Variants in ACSL4 observed in about 807,000 individuals in gnomAD.
The protein encoded by ACSL4 is acyl-CoA synthetase long chain family member 4.
A neutral mutation model predicts 49.1 loss-of-function variants in ACSL4; 9 were observed. The ratio of observed to expected loss-of-function variants is 0.18; its 90% CI spans 0.11 to 0.32. ACSL4 has a LOEUF of 0.32. Ranked by LOEUF, ACSL4 falls within the 10% of genes least tolerant of loss-of-function variation. The pLI, the probability that ACSL4 is intolerant of heterozygous loss-of-function variation, is 1.00. For missense variants in ACSL4, 333 were observed against 493.7 expected, an observed-to-expected ratio of 0.67 and a Z score of 3.08; for synonymous variants, 191 against 170.3, an observed-to-expected ratio of 1.12 and a Z score of -0.95.
At chrX:109,645,259 C>T (rs1434986362) in intron 15 of ACSL4, among the ~76,000 whole-genome samples, 5 of 112,861 alleles carry the variant, frequency 4.4e-5, no homozygotes, top group African/African-American at 9.6e-5. Context: ...CCTCTGCAGA[C>T]TTAAATGTCC....
intron 2 of ACSL4, among the ~76,000 whole-genome samples, chrX:109,693,857 G>GT (rs1304756941): frequency 9.0e-6 from 1 of 111,542 alleles, no homozygotes; most frequent in Non-Finnish European, 1.9e-5. Flanking sequence ...CACCTTGGTA[G>GT]TTTTTTCCCT....
intron 14 of ACSL4, 113 bp downstream of exon 14, chrX:109,661,418 T>G (rs1922166804): frequency 1.8e-6 from 1 of 553,918 alleles, no homozygotes; most frequent in Non-Finnish European, 3.1e-6. Context: ...ATTCCCCAGA[T>G]CTGATGAAAA....
At chrX:109,681,677 G>A (rs890257509) in intron 4 of ACSL4, among the ~76,000 whole-genome samples, 8 of 111,975 alleles carry the variant, frequency 7.1e-5, no homozygotes, top group Non-Finnish European at 1.5e-4. Context: ...ATAGGTACTG[G>A]CTGAACTCTT....
At position 109,643,629 on chromosome X, in the gene ACSL4, A is replaced by G. The variant is rs1230452335; in HGVS notation, c.*400T>C. The G allele has an allele frequency of 6.9e-6, 1 of 145,699 alleles. No homozygotes were observed. Among genetic ancestry groups the G allele is most frequent in the Non-Finnish European group, 1.3e-5 (1 of 74,074 alleles). The allele number at this position is 145,699 out of a possible 1,213,427, so 12.0% of individuals were successfully genotyped here. Reference sequence around the variant, plus strand: ...TTAATACATATTTTCTGTCATGCTTAATATTTAAACTTCTGAAATAGGAAG... The same window carrying G: ...TTAATACATATTTTCTGTCATGCTTGATATTTAAACTTCTGAAATAGGAAG... On this transcript the variant is annotated 3_prime_UTR_variant, in exon 16 of 16. Coordinates refer to ENST00000672401, the MANE Select transcript of ACSL4 (RefSeq NM_001318510.2).
intron 1 of ACSL4, among the ~76,000 whole-genome samples, chrX:109,711,783 C>T (rs1926764666): frequency 2.7e-5 from 3 of 110,958 alleles, no homozygotes; most frequent in Admixed American, 1.9e-4. Context: ...AAGTACCCTA[C>T]GGGACAGCAC....
intron 1 of ACSL4, among the ~76,000 whole-genome samples, chrX:109,731,511 C>T (rs1446443950): frequency 9.3e-6 from 1 of 107,845 alleles, no homozygotes; most frequent in Admixed American, 1.0e-4. Flanking sequence ...CCATCTCACC[C>T]CTACCAAAAA....
At chrX:109,673,147 C>T (rs1268590756) in intron 9 of ACSL4, among the ~76,000 whole-genome samples, 2 of 111,857 alleles carry the variant, frequency 1.8e-5, no homozygotes, top group Non-Finnish European at 3.8e-5. Context: ...TCTTTAACAC[C>T]TCAGCTCTTA....
At chrX:109,684,559 C>T (rs1406472735) in intron 2 of ACSL4, among the ~76,000 whole-genome samples, 1 of 112,251 alleles carries the variant, frequency 8.9e-6, no homozygotes, top group Non-Finnish European at 1.9e-5. Context: ...CCAGAATTCC[C>T]GGAATCCCAA....
intron 1 of ACSL4, among the ~76,000 whole-genome samples, chrX:109,718,221 G>T (rs996971491): frequency 2.7e-5 from 3 of 112,430 alleles, no homozygotes; most frequent in African/African-American, 9.7e-5. Flanking sequence ...TGCTAGGAAT[G>T]ATGCGAAATT....
At chrX:109,660,630 C>T (rs1391970716) in intron 14 of ACSL4, among the ~76,000 whole-genome samples, 2 of 111,657 alleles carry the variant, frequency 1.8e-5, no homozygotes, top group Admixed American at 9.5e-5. Context: ...TATTTGCATA[C>T]GCATTTTCCT....
At position 109,665,497 on chromosome X, in the gene ACSL4, G is replaced by T; in HGVS notation, c.1316-3C>A. The T allele has an allele frequency of 3.3e-6, 4 of 1,196,626 alleles. No homozygotes were observed. Among genetic ancestry groups the T allele is most frequent in the Non-Finnish European group, 1.1e-6 (1 of 881,886 alleles). On this transcript the variant is annotated splice_polypyrimidine_tract_variant and splice_region_variant and intron_variant, in intron 11 of 15. Transcript: ENST00000672401. ...TCTGCCAGTAGTATAGTCAGTTACT[G>T]TGAGGGAAAAAGTAACAGAGATATT...
chrX:109,672,641 G>GC, intron 9 of ACSL4, among the ~76,000 whole-genome samples: 1 of 106,136 alleles, frequency 9.4e-6, no homozygotes, highest in South Asian at 4.1e-4. Flanking sequence ...ATAAAGAGTT[G>GC]TTTTTTTTTT....
intron 8 of ACSL4, among the ~76,000 whole-genome samples, chrX:109,675,862 G>A (rs1213743246): frequency 8.9e-6 from 1 of 112,168 alleles, no homozygotes; most frequent in African/African-American, 3.2e-5. Context: ...ACCAGGTCAA[G>A]TTCTGCTATC....
chrX:109,663,513 T>G (rs1188809654), intron 12 of ACSL4, 111 bp from the exon 13 acceptor site: 2 of 663,730 alleles, frequency 3.0e-6, no homozygotes, highest in African/African-American at 4.4e-5. Flanking sequence ...TATCACTTTA[T>G]GAGAGAACAT....
chrX:109,714,429 T>C (rs911564492), intron 1 of ACSL4, among the ~76,000 whole-genome samples: 1 of 111,935 alleles, frequency 8.9e-6, no homozygotes, highest in African/African-American at 3.3e-5. Flanking sequence ...AATATTTTCA[T>C]AAATTTAGTG....
At chrX:109,648,204 T>A (rs755670154) in intron 15 of ACSL4, among the ~76,000 whole-genome samples, 2 of 111,270 alleles carry the variant, frequency 1.8e-5, no homozygotes, top group African/African-American at 6.5e-5. Flanking sequence ...TACCAAAGCC[T>A]GGCAGAGACA....
At chrX:109,674,330 T>A in intron 9 of ACSL4, 72 bp downstream of exon 9, 2 of 893,188 alleles carry the variant, frequency 2.2e-6, no homozygotes, top group Non-Finnish European at 3.3e-6. Flanking sequence ...TATTACTTTT[T>A]AAAAGGTCCA....
At chrX:109,723,854 C>G (rs1364024931) in intron 1 of ACSL4, among the ~76,000 whole-genome samples, 1 of 112,380 alleles carries the variant, frequency 8.9e-6, no homozygotes, top group Admixed American at 9.4e-5. Context: ...ATGCAAATGC[C>G]TATTTGTTAA....
At position 109,700,652 on chromosome X, in the gene ACSL4, A is replaced by G. The variant is rs186821217; in HGVS notation, c.-65-4456T>C. Among the ~76,000 whole-genome samples the G allele has an allele frequency of 7.8e-3, 876 of 111,928 alleles. 14 individuals are homozygous for G. The highest frequency in any genetic ancestry group is 0.027 in the African/African-American group (844 of 30,840). On this transcript the variant is annotated intron_variant, in intron 1 of 15. Transcript: ENST00000672401. ...AAACATATTAAATAAATGTTATAAC[A>G]TAAGTACAACTACCCAAAGTCTAGC...
Sources: gnomAD v4.1 joint callset for allele counts (sites outside exome capture counted in the v4.1 genomes callset) on GRCh38, gnomAD v4.1.1 for gene constraint, MANE v1.5 for transcripts, NCBI Gene and HGNC (gene_info 2026-07-23, HGNC 2026-07-21) for gene names.